The following PDZD2 variants were observed in gnomAD, a reference collection of about 807,000 sequenced individuals.
The protein encoded by PDZD2 is PDZ domain containing 2, also known as PDZ domain-containing protein 2.
PDZD2 carries 90 observed loss-of-function variants against 220.7 expected under a neutral mutation model. That is an observed-to-expected ratio of 0.41 (90% confidence interval 0.34 to 0.49). PDZD2 has a LOEUF of 0.49. Ranked by LOEUF, PDZD2 falls within the 20% of genes least tolerant of loss-of-function variation. The pLI is 0.28. For missense variants in PDZD2, 3,174 were observed against 3,608.5 expected, an observed-to-expected ratio of 0.88 and a Z score of 3.08; for synonymous variants, 1,375 against 1,450.5, an observed-to-expected ratio of 0.95 and a Z score of 1.18.
At chr5:31,928,723 CGA>C (rs1029507805) in intron 2 of PDZD2, among the ~76,000 whole-genome samples, 1 of 152,144 alleles carries the variant, frequency 6.6e-6, no homozygotes, top group Non-Finnish European at 1.5e-5. Flanking sequence ...TGATCCACCT[CGA>C]CTTCCCAAAG....
At chr5:31,980,709 T>C (rs992159412) in intron 2 of PDZD2, among the ~76,000 whole-genome samples, 2 of 152,202 alleles carry the variant, frequency 1.3e-5, no homozygotes, top group African/African-American at 4.8e-5. Flanking sequence ...TGCAAAGAAA[T>C]GAAATCTATA....
At chr5:31,908,795 A>C in intron 2 of PDZD2, 1 of 730,070 alleles carries the variant, frequency 1.4e-6, no homozygotes, top group Non-Finnish European at 2.3e-6. Context: ...CTATAATCCC[A>C]GCACTTTGGG....
chr5:32,074,322 C>T lies in PDZD2; in HGVS notation c.3216C>T (p.Ser1072=), dbSNP rs566368049. The T allele has an allele frequency of 4.4e-5, 71 of 1,614,192 alleles. 1 individual carries two copies. The South Asian group carries it at 7.6e-4, about 17-fold the overall frequency. The part of the protein sequence containing the change: ...SAEAPKGSPG[S]WWKKELSGSS... ...AGGCCCCCAAGGGGAGCCCTGGAAGCTGGTGGAAGAAGGAACTGTCAGGAT... is the reference window on the plus strand; with the variant it reads ...AGGCCCCCAAGGGGAGCCCTGGAAGTTGGTGGAAGAAGGAACTGTCAGGAT... The change falls in exon 18 of 25, where the codon AGC becomes AGT. Residue 1072 remains serine (S), a synonymous_variant. Coordinates refer to ENST00000438447, the MANE Select transcript of PDZD2 (RefSeq NM_178140.4).
chr5:31,782,586 C>T (rs914376513), intron 1 of PDZD2, among the ~76,000 whole-genome samples: 5 of 151,982 alleles, frequency 3.3e-5, no homozygotes, highest in African/African-American at 7.3e-5. Context: ...GGTATCTGCT[C>T]GCTACCACCA....
chr5:32,040,445 G>A (rs996479783), intron 7 of PDZD2, among the ~76,000 whole-genome samples: 2 of 134,032 alleles, frequency 1.5e-5, no homozygotes, highest in African/African-American at 5.7e-5. Context: ...ACTGCCCATC[G>A]TCTGCGATGT....
At chr5:31,725,145 A>C (rs1749045731) in intron 1 of PDZD2, among the ~76,000 whole-genome samples, 1 of 152,024 alleles carries the variant, frequency 6.6e-6, no homozygotes. Context: ...AGCCTGACCA[A>C]CATGGAGAAA....
At chr5:31,927,525 A>G (rs988824023) in intron 2 of PDZD2, among the ~76,000 whole-genome samples, 12 of 152,136 alleles carry the variant, frequency 7.9e-5, no homozygotes, top group Admixed American at 3.3e-4. Flanking sequence ...CTGGGATTAC[A>G]GGTGCCTGCT....
chr5:31,885,462 C>T (rs1158148395), intron 2 of PDZD2, among the ~76,000 whole-genome samples: 1 of 152,064 alleles, frequency 6.6e-6, no homozygotes, highest in Non-Finnish European at 1.5e-5. Flanking sequence ...GAAGTACTTG[C>T]ATCTGAACAC....
intron 2 of PDZD2, among the ~76,000 whole-genome samples, chr5:31,954,831 G>A (rs1432205984): frequency 6.6e-6 from 1 of 152,148 alleles, no homozygotes; most frequent in Non-Finnish European, 1.5e-5. Context: ...AGCTGCTCGG[G>A]AAGCTGGGGC....
chr5:32,088,855 A>G lies in PDZD2; in HGVS notation c.5407A>G (p.Lys1803Glu). ...TAGGAGGCCCATCATGGCCTGGTTTAAAGAAATAAATAAACATAACCAAGG... is the reference window on the plus strand; with the variant it reads ...TAGGAGGCCCATCATGGCCTGGTTTGAAGAAATAAATAAACATAACCAAGG... ...IARRPIMAWFKEINKHNQGTH... is the reference protein window; with the variant it reads ...IARRPIMAWFEEINKHNQGTH... The change falls in exon 20 of 25, where the codon AAA becomes GAA. Residue 1803 changes from lysine to glutamate, a missense_variant. Around this residue, in one of 4 missense-constraint regions of PDZD2, gnomAD observed 1,861 missense variants for 2,001.0 expected, o/e 0.93. Coordinates refer to ENST00000438447, the MANE Select transcript of PDZD2 (RefSeq NM_178140.4). The surrounding 1 kb of genome is among the most constrained non-coding windows in gnomAD (Gnocchi z 4.6). 6.2e-7 allele frequency: 1 copy of G among 1,614,178 alleles called. No homozygotes were observed. The highest frequency in any genetic ancestry group is 8.5e-7 in the Non-Finnish European group (1 of 1,180,042).
intron 2 of PDZD2, among the ~76,000 whole-genome samples, chr5:31,839,286 GT>G (rs1285001455): frequency 2.0e-5 from 3 of 152,090 alleles, no homozygotes; most frequent in Admixed American, 1.3e-4. Context: ...TAAGAAGAAT[GT>G]TTGCTTTAGT....
intron 2 of PDZD2, among the ~76,000 whole-genome samples, chr5:31,859,999 A>C (rs977177176): frequency 6.6e-6 from 1 of 152,154 alleles, no homozygotes; most frequent in East Asian, 1.9e-4. Flanking sequence ...TGGTGGTTTC[A>C]TTGGAGGATT....
rs554286730 is a variant in PDZD2 at position 31,698,799 on chromosome 5, C to T, written c.-361+59362C>T. On this transcript the variant is annotated intron_variant, in intron 1 of 24. Transcript: ENST00000438447. ...GGCCCCAAGGTTACACGAGGAAGTA[C>T]CTGCACAAGGAAGTACCTGCAGATT... is the stretch of plus-strand genomic sequence containing the variant. Among the ~76,000 whole-genome samples, 20 of 152,278 alleles carry T rather than the reference C, an allele frequency of 1.3e-4. No homozygotes were observed. The South Asian group carries it at 3.9e-3, about 30-fold the overall frequency.
chr5:31,942,956 A>T (rs909864424), intron 2 of PDZD2, among the ~76,000 whole-genome samples: 1 of 152,182 alleles, frequency 6.6e-6, no homozygotes, highest in African/African-American at 2.4e-5. Context: ...TAATCCCAGC[A>T]CTTTGGGAGC....
In PDZD2 at chr5:32,103,729, C is replaced by G. The variant is rs553647857; in HGVS notation, c.8353+2490C>G. The G allele has an allele frequency of 3.3e-5, 5 of 152,376 alleles. No individual in the cohort carries two copies. The South Asian group carries it at 1.0e-3, about 32-fold the overall frequency. 9.4% of individuals were successfully genotyped at this position (152,376 alleles called of 1,614,324 possible). Reference sequence around the variant, plus strand: ...ACGTAGCCTCTGCAGTCCAAAGGGACACAACCCAAAAAAGCGTGTGAGCCT... The same window carrying G: ...ACGTAGCCTCTGCAGTCCAAAGGGAGACAACCCAAAAAAGCGTGTGAGCCT... On this transcript the variant is annotated intron_variant, in intron 24 of 24. Transcript: ENST00000438447.
intron 6 of PDZD2, among the ~76,000 whole-genome samples, chr5:32,015,235 C>A (rs1188047364): frequency 6.6e-6 from 1 of 152,052 alleles, no homozygotes; most frequent in Non-Finnish European, 1.5e-5. Context: ...AGCCACCGCA[C>A]CTAGCCCGAC....
At chr5:31,925,550 T>C (rs1347907131) in intron 2 of PDZD2, among the ~76,000 whole-genome samples, 1 of 152,018 alleles carries the variant, frequency 6.6e-6, no homozygotes, top group East Asian at 1.9e-4. Context: ...ACATCGGCCT[T>C]GGAAAAGAAT....
chr5:31,740,115 T>C (rs1171253710), intron 1 of PDZD2, among the ~76,000 whole-genome samples: 4 of 152,210 alleles, frequency 2.6e-5, no homozygotes, highest in African/African-American at 7.2e-5. Flanking sequence ...ATTGCTTTGA[T>C]TGTGCTTTGT....
intron 2 of PDZD2, among the ~76,000 whole-genome samples, chr5:31,880,791 CTTTTTTTT>C (rs1037018187): frequency 0.022 from 1,658 of 76,274 alleles, 22 homozygotes; most frequent in African/African-American, 0.1. Flanking sequence ...TTTTTTTTTT[CTTTTTTTT>C]TTTTTTTTTT....
Sources: allele counts gnomAD v4.1 joint callset (sites outside exome capture counted in the v4.1 genomes callset), GRCh38; gene constraint gnomAD v4.1.1; regional missense constraint gnomAD v4.1.1; non-coding constraint Gnocchi (gnomAD v3.1); transcripts MANE v1.5; gene names NCBI Gene and HGNC (gene_info 2026-07-23, HGNC 2026-07-21).